USP2: variants seen among roughly 807,000 people sequenced by gnomAD.
The protein encoded by USP2 is ubiquitin carboxyl-terminal hydrolase 2.
In USP2, 33 loss-of-function variants were observed where a neutral mutation model predicts 72.0. That is an observed-to-expected ratio of 0.46 (90% CI 0.35 to 0.61). The LOEUF (loss-of-function observed/expected upper bound fraction) is 0.61, where lower values mean the gene tolerates loss of function less well. Among genes scored for constraint, USP2 ranks in the 20% least tolerant of loss-of-function variants. The pLI is 0.01. For synonymous variants in USP2, 296 were observed against 312.5 expected (o/e 0.95, Z 0.56); for missense variants, 691 against 797.8 (o/e 0.87, Z 1.61).
Position 119,360,621 on chromosome 11 carries a change from C to T in USP2, c.775-387G>A, listed in dbSNP as rs574166517. ...TGTATTTTTAGTAGAGACAGGGTTTCGTCATGTTGGCCAGGCTGGTCTTGA... is the reference window on the plus strand; with the variant it reads ...TGTATTTTTAGTAGAGACAGGGTTTTGTCATGTTGGCCAGGCTGGTCTTGA... On this transcript the variant is annotated intron_variant, in intron 2 of 12. Coordinates refer to ENST00000260187, the MANE Select transcript of USP2 (RefSeq NM_004205.5). 1.6e-4 allele frequency among the ~76,000 whole-genome samples: 24 copies of T among 152,144 alleles called. No homozygotes were observed. In the South Asian group the frequency reaches 2.3e-3, roughly 14 times the overall value.
At chr11:119,362,659 C>T (rs530528950) in intron 2 of USP2, among the ~76,000 whole-genome samples, 1 of 152,274 alleles carries the variant, frequency 6.6e-6, no homozygotes, top group Admixed American at 6.5e-5. Context: ...AGTGACCTTT[C>T]TTACAGGACA....
intron 1 of USP2, 112 bp downstream of exon 1, chr11:119,381,361 T>G: frequency 1.7e-6 from 2 of 1,182,172 alleles, no homozygotes; most frequent in Non-Finnish European, 2.4e-6. Flanking sequence ...TCTCTCCCTA[T>G]ATTTCTAGTG....
At chr11:119,381,383 C>T (rs1951056516) in intron 1 of USP2, 90 bp downstream of exon 1, 1 of 1,381,758 alleles carries the variant, frequency 7.2e-7, no homozygotes, top group Non-Finnish European at 9.8e-7. Context: ...CCACTCTGCC[C>T]AGAATGTCGT....
chr11:119,372,875 A>G lies in USP2; in HGVS notation c.606T>C (p.Tyr202=), dbSNP rs764623944. The G allele has an allele frequency of 1.9e-5, 30 of 1,608,874 alleles. No homozygotes were observed. The highest frequency in any genetic ancestry group is 1.7e-4 in the Middle Eastern group (1 of 6,040). The change falls in exon 2 of 13, where the codon TAT becomes TAC. Residue 202 remains tyrosine (Y), a synonymous_variant. Coordinates refer to ENST00000260187, the MANE Select transcript of USP2 (RefSeq NM_004205.5). ...CCTGAGATGCACTGCCCTTGCGACC[A>G]TAGTTCTCCAGGTAGTCGACCAGGT... ...PEYLVDYLEN[Y]GRKGSASQVP...
intron 2 of USP2, among the ~76,000 whole-genome samples, chr11:119,362,218 C>T (rs780684218): frequency 2.6e-5 from 4 of 152,036 alleles, no homozygotes; most frequent in Non-Finnish European, 5.9e-5. Flanking sequence ...AATGGGAAAA[C>T]GGAGTCATCT....
chr11:119,360,300 C>T (rs1017882336), intron 2 of USP2, 66 bp from the exon 3 acceptor site: 72 of 1,556,892 alleles, frequency 4.6e-5, no homozygotes, highest in Non-Finnish European at 5.6e-5. Flanking sequence ...TGGGCTCTCT[C>T]GTGCAATTTC....
chr11:119,358,139 G>C lies in USP2; in HGVS notation c.1341+10C>G, dbSNP rs775772141. 2 of 1,614,090 alleles carry C rather than the reference G, an allele frequency of 1.2e-6. No individual in the cohort carries two copies. Among genetic ancestry groups the C allele is most frequent in the Admixed American group, 3.3e-5 (2 of 60,010 alleles). The stretch of plus-strand genomic sequence containing the variant: ...GGGAGTTCAACAAGGCGGGCAACTG[G>C]GGTGCATACCTTAGCAATGGGCAGT... On this transcript the variant is annotated intron_variant, in intron 8 of 12. Coordinates refer to ENST00000260187, the MANE Select transcript of USP2 (RefSeq NM_004205.5).
Position 119,356,744 on chromosome 11 carries a change from G to GTGT in USP2, c.*88_*90dup, listed in dbSNP as rs201056943. 30 of 1,267,492 alleles carry GTGT rather than the reference G, an allele frequency of 2.4e-5. No individual in the cohort carries two copies. The highest frequency in any genetic ancestry group is 2.3e-4 in the Middle Eastern group (1 of 4,278). 78.5% of individuals were successfully genotyped at this position (1,267,492 alleles called of 1,614,324 possible). ...TTTGTTTTTCTCTTGTCAGGTTTGTGTGTTGTTGTTGTTGTTTTGTTTTTG... is the reference window on the plus strand; with the variant it reads ...TTTGTTTTTCTCTTGTCAGGTTTGTGTGTTGTTGTTGTTGTTGTTTTGTTTTTG... On this transcript the variant is annotated 3_prime_UTR_variant, in exon 13 of 13. Transcript: ENST00000260187.
chr11:119,363,934 AGGGCGGGAAAGG>A (rs1257827380), intron 2 of USP2: 1 of 313,052 alleles, frequency 3.2e-6, no homozygotes, highest in Non-Finnish European at 3.9e-6. Context: ...CTCCTTGGCG[AGGGCGGGAAAGG>A]GGGCGGCGGG....
At chr11:119,379,367 A>C in intron 1 of USP2, 164 of 276,438 alleles carry the variant, frequency 5.9e-4, no homozygotes, top group Non-Finnish European at 7.5e-4. Flanking sequence ...AAGAGCACAG[A>C]GGGGTGGGGG....
chr11:119,359,477 C>T (rs1950727525), intron 4 of USP2, 60 bp downstream of exon 4: 1 of 1,608,466 alleles, frequency 6.2e-7, no homozygotes, highest in Non-Finnish European at 8.5e-7. Flanking sequence ...CTAGAACAGC[C>T]CCAGTGGAGT....
At chr11:119,376,109 T>G in intron 1 of USP2, 3 of 908,384 alleles carry the variant, frequency 3.3e-6, no homozygotes, top group Non-Finnish European at 3.9e-6. Context: ...GGGTTCCTAC[T>G]GGGGCCGGGG....
intron 2 of USP2, 165 bp from the exon 3 acceptor site, chr11:119,360,399 A>G (rs1388444305): frequency 2.7e-6 from 2 of 739,252 alleles, no homozygotes; most frequent in Non-Finnish European, 4.8e-6. Flanking sequence ...AAGAGGATTG[A>G]GGAATGCCTG....
intron 12 of USP2, 63 bp downstream of exon 12, chr11:119,357,124 T>C: frequency 1.0e-6 from 1 of 980,484 alleles, no homozygotes. Context: ...GGGGGGAGGG[T>C]GGAGGAGTGG....
rs1328929121 is a variant in USP2, at chr11:119,373,182, T to A, written c.299A>T (p.Glu100Val). The A allele has an allele frequency of 1.2e-6, 2 of 1,614,112 alleles. No individual in the cohort carries two copies. Among genetic ancestry groups the A allele is most frequent in the South Asian group, 1.1e-5 (1 of 91,090 alleles). The change falls in exon 2 of 13, where the codon GAG (glutamate) becomes GTG (valine). Residue 100 changes from glutamate (E) to valine (V), a missense_variant. Physicochemically the swap from Glu to Val is moderately radical, Grantham distance 121. Transcript: ENST00000260187. ...GCTGAGGCCACTGCCTAAAGGCCGC[T>A]CAGTACCCCGGGTCTGGCTCTCTGC... The part of the protein sequence containing the change: ...KRAESQTRGT[E>V]RPLGSGLSGG...
At chr11:119,362,468 A>G (rs1187603968) in intron 2 of USP2, among the ~76,000 whole-genome samples, 1 of 152,108 alleles carries the variant, frequency 6.6e-6, no homozygotes, top group Non-Finnish European at 1.5e-5. Flanking sequence ...GCTCAAAACC[A>G]CATGCCAGTT....
At chr11:119,380,622 T>G (rs1323862162) in intron 1 of USP2, 1 of 152,722 alleles carries the variant, frequency 6.5e-6, no homozygotes, top group Non-Finnish European at 1.5e-5. Flanking sequence ...GCCTCCACCC[T>G]GTCTTAGCAC....
intron 7 of USP2, 103 bp downstream of exon 7, chr11:119,358,670 G>T: frequency 2.8e-6 from 4 of 1,403,520 alleles, no homozygotes; most frequent in Non-Finnish European, 4.0e-6. Flanking sequence ...ACACTAGGCA[G>T]AAACAGGCTT....
At chr11:119,357,359 C>T (rs1950683866) in intron 11 of USP2, 52 bp from the exon 12 acceptor site, 4 of 1,610,658 alleles carry the variant, frequency 2.5e-6, no homozygotes, top group Non-Finnish European at 3.4e-6. Flanking sequence ...CCCGACTTCC[C>T]CCCTCCAACC....
Sources: allele counts gnomAD v4.1 joint callset (sites outside exome capture counted in the v4.1 genomes callset), GRCh38; gene constraint gnomAD v4.1.1; transcripts MANE v1.5; gene names NCBI Gene and HGNC (gene_info 2026-07-23, HGNC 2026-07-21).